HAUS8: variants seen among roughly 807,000 people sequenced by gnomAD.
HAUS8 encodes HAUS augmin-like complex subunit 8.
HAUS8 carries 38 observed loss-of-function variants against 42.9 expected under a neutral mutation model. The ratio of observed to expected loss-of-function variants is 0.89; its 90% CI spans 0.68 to 1.16. The LOEUF (loss-of-function observed/expected upper bound fraction) is 1.16. Among genes scored for constraint, HAUS8 ranks in the 50% most tolerant of loss-of-function variants. HAUS8 has a pLI of 0.00. For synonymous variants in HAUS8, 199 were observed against 205.8 expected (o/e 0.97, Z 0.28); for missense variants, 494 against 511.6 (o/e 0.97, Z 0.33).
In HAUS8 at chr19:17,069,078, C is replaced by T. The variant is rs889696823; in HGVS notation, c.100G>A (p.Val34Met). 1.9e-6 allele frequency: 3 copies of T among 1,613,280 alleles called. No homozygotes were observed. The highest frequency in any genetic ancestry group is 2.5e-6 in the Non-Finnish European group (3 of 1,179,606). Residue 34 changes from valine (V) to methionine (M), a missense_variant, in exon 3 of 11, where the codon GTG (valine) becomes ATG (methionine). Coordinates refer to ENST00000253669, the MANE Select transcript of HAUS8 (RefSeq NM_033417.2). ...KKDKRVQGGRVIESRYLQYEK... is the reference protein window; with the variant it reads ...KKDKRVQGGRMIESRYLQYEK... ...TACTGCAGATACCGGGACTCAATCA[C>T]TCTTCCACCTGTGGGGACACACTGT...
At chr19:17,068,126 A>G (rs1599988673) in intron 3 of HAUS8, among the ~76,000 whole-genome samples, 1 of 115,436 alleles carries the variant, frequency 8.7e-6, no homozygotes, top group African/African-American at 3.5e-5. Flanking sequence ...TTTTTTTTGA[A>G]GACACGGGTC....
At chr19:17,055,404 G>T (rs2057319494) in intron 9 of HAUS8, among the ~76,000 whole-genome samples, 1 of 145,706 alleles carries the variant, frequency 6.9e-6, no homozygotes, top group Admixed American at 6.9e-5. Flanking sequence ...TCTGTGGGAA[G>T]ATACCTGTTC....
chr19:17,070,375 A>C (rs2123382659), intron 2 of HAUS8, among the ~76,000 whole-genome samples: 1 of 152,278 alleles, frequency 6.6e-6, no homozygotes, highest in Non-Finnish European at 1.5e-5. Flanking sequence ...TTCAGGGCTG[A>C]GACAGGCTGG....
intron 9 of HAUS8, 146 bp from the exon 10 acceptor site, chr19:17,053,112 A>G (rs2057298409): frequency 4.6e-6 from 4 of 876,084 alleles, no homozygotes; most frequent in Non-Finnish European, 7.0e-6. Context: ...AGCAGAAGCC[A>G]AGGAAGACAT....
rs145956569 is a variant in HAUS8, at chr19:17,055,942, A to T, written c.706T>A (p.Phe236Ile). 59 of 1,614,032 alleles carry T rather than the reference A, an allele frequency of 3.7e-5. No homozygotes were observed. In the Middle Eastern group the frequency reaches 1.2e-3, roughly 31 times the overall value. Residue 236 changes from phenylalanine to isoleucine, a missense_variant, in exon 9 of 11, where the codon TTC becomes ATC. Coordinates refer to ENST00000253669, the MANE Select transcript of HAUS8 (RefSeq NM_033417.2). ...CTGGTAGTGTCCAGGGCCGTGGCGAATGTCCTGTATTGCTCCTTGAAGCGT... is the reference window on the plus strand; with the variant it reads ...CTGGTAGTGTCCAGGGCCGTGGCGATTGTCCTGTATTGCTCCTTGAAGCGT... ...ATRFKEQYRTFATALDTTRHE... is the reference protein window; with the variant it reads ...ATRFKEQYRTIATALDTTRHE...
chr19:17,056,121 A>C, intron 8 of HAUS8, 119 bp from the exon 9 acceptor site: 1 of 974,260 alleles, frequency 1.0e-6, no homozygotes, highest in Non-Finnish European at 1.6e-6. Flanking sequence ...CCCCCCAGGG[A>C]ATCAGAGCTC....
intron 3 of HAUS8, among the ~76,000 whole-genome samples, chr19:17,065,106 G>A (rs143133578): frequency 2.1e-4 from 32 of 152,182 alleles, no homozygotes; most frequent in African/African-American, 7.7e-4. Flanking sequence ...CAATATCATC[G>A]GCTATTATGA....
intron 9 of HAUS8, 197 bp from the exon 10 acceptor site, chr19:17,053,163 G>A (rs2057298717): frequency 3.2e-6 from 2 of 617,278 alleles, no homozygotes; most frequent in South Asian, 1.9e-5. Context: ...TGTGGGACAG[G>A]CACATCCATC....
rs1568636736 is a variant in HAUS8, at chr19:17,058,781, T to C, written c.486+30A>G. ...TGAATGGAGGCCACCCTTCCATCCA[T>C]GGCATACGTGAACAAGAAACTGTTT... On this transcript the variant is annotated intron_variant, in intron 7 of 10. Coordinates refer to ENST00000253669, the MANE Select transcript of HAUS8 (RefSeq NM_033417.2). 2.5e-6 allele frequency: 4 copies of C among 1,609,652 alleles called. No individual in the cohort carries two copies. The African/African-American group carries it at 4.0e-5, about 16-fold the overall frequency.
At chr19:17,069,580 C>CA (rs1265359446) in intron 2 of HAUS8, among the ~76,000 whole-genome samples, 1 of 151,682 alleles carries the variant, frequency 6.6e-6, no homozygotes, top group African/African-American at 2.4e-5. Context: ...AGGCCCTCTT[C>CA]AGACAGAGCC....
At chr19:17,075,504 G>T (rs1037756861), upstream of HAUS8, 3 of 1,505,384 alleles carry the variant, frequency 2.0e-6, no homozygotes, top group Non-Finnish European at 1.8e-6. Flanking sequence ...CGGACCATTT[G>T]TGGAGACGCA....
At chr19:17,067,405 C>A (rs1365141359) in intron 3 of HAUS8, among the ~76,000 whole-genome samples, 2 of 151,954 alleles carry the variant, frequency 1.3e-5, no homozygotes, top group Non-Finnish European at 2.9e-5. Context: ...AGGGGCTGGT[C>A]CTATCAGAGC....
chr19:17,057,333 G>C (rs937116995), intron 8 of HAUS8, among the ~76,000 whole-genome samples: 6 of 148,618 alleles, frequency 4.0e-5, no homozygotes, highest in African/African-American at 1.5e-4. Flanking sequence ...CTGGGTGACA[G>C]AGCAAGACGC....
At position 17,050,192 on chromosome 19, in the gene HAUS8, G is replaced by A. The variant is rs576418708; in HGVS notation, c.930-16C>T. On this transcript the variant is annotated splice_polypyrimidine_tract_variant and intron_variant, in intron 10 of 10. Coordinates refer to ENST00000253669, the MANE Select transcript of HAUS8 (RefSeq NM_033417.2). ...GGCAAAGCTCCTGTTGAGGATGGGA[G>A]AAAGAATAACGGCTTTCACCCTCTG... 1.4e-4 allele frequency: 202 copies of A among 1,474,128 alleles called. 1 individual carries two copies. The South Asian group carries it at 2.8e-3, about 20-fold the overall frequency. 91.3% of individuals were successfully genotyped at this position (1,474,128 alleles called of 1,614,324 possible). A position where few individuals can be genotyped will look rare whatever the true frequency, so the allele number is the denominator to read the frequency against.
intron 2 of HAUS8, among the ~76,000 whole-genome samples, chr19:17,071,882 G>A (rs2123384980): frequency 6.6e-6 from 1 of 152,142 alleles, no homozygotes; most frequent in East Asian, 1.9e-4. Context: ...AGCTACTTGG[G>A]AGGCTGAGGC....
chr19:17,073,426 C>G, intron 1 of HAUS8, 91 bp from the exon 2 acceptor site: 3 of 1,183,018 alleles, frequency 2.5e-6, no homozygotes, highest in East Asian at 2.3e-5. Context: ...GAAGCTCAGA[C>G]AGCCCAGTCC....
intron 6 of HAUS8, 54 bp downstream of exon 6, chr19:17,059,503 T>C (rs2057346645): frequency 7.8e-7 from 1 of 1,284,042 alleles, no homozygotes; most frequent in Admixed American, 1.8e-5. Flanking sequence ...GAGTGGACTC[T>C]AAATCAGATC....
chr19:17,073,577 T>A (rs1036942106), intron 1 of HAUS8: 12 of 553,454 alleles, frequency 2.2e-5, no homozygotes, highest in Non-Finnish European at 3.9e-5. Flanking sequence ...TAATGAGAGC[T>A]CTGTGGAAGA....
chr19:17,062,647 A>C, intron 4 of HAUS8, 51 bp downstream of exon 4: 1 of 1,446,766 alleles, frequency 6.9e-7, no homozygotes, highest in Admixed American at 1.7e-5. Flanking sequence ...CCATGGAGAC[A>C]AAATTTACTG....
Sources: allele counts gnomAD v4.1 joint callset (sites outside exome capture counted in the v4.1 genomes callset), GRCh38; gene constraint gnomAD v4.1.1; transcripts MANE v1.5; gene names NCBI Gene and HGNC (gene_info 2026-07-23, HGNC 2026-07-21).